The following GABRB1 variants were observed in gnomAD, a reference collection of about 807,000 sequenced individuals.
GABRB1 encodes the protein gamma-aminobutyric acid receptor subunit beta-1.
A neutral mutation model predicts 51.6 loss-of-function variants in GABRB1; 17 were observed. The observed-to-expected ratio is 0.33, with a 90% CI of 0.23 to 0.49. The LOEUF (loss-of-function observed/expected upper bound fraction) is 0.49, where lower values mean the gene tolerates loss of function less well. Ranked by LOEUF, GABRB1 falls within the 20% of genes least tolerant of loss-of-function variation. The pLI is 0.99. For synonymous variants in GABRB1, 247 were observed against 218.9 expected (o/e 1.13, Z -1.14); for missense variants, 410 against 600.6 (o/e 0.68, Z 3.32).
chr4:47,246,295 TATATAC>T (rs1467017764), intron 4 of GABRB1, among the ~76,000 whole-genome samples: 6 of 98,938 alleles, frequency 6.1e-5, no homozygotes, highest in African/African-American at 8.2e-5. Context: ...TATATATATA[TATATAC>T]ACACACACAC....
chr4:47,399,451 TTC>T (rs1347121166), intron 5 of GABRB1, among the ~76,000 whole-genome samples: 1 of 151,650 alleles, frequency 6.6e-6, no homozygotes, highest in African/African-American at 2.4e-5. Context: ...TGTTTTGATT[TTC>T]TGTGCCTCCT....
chr4:47,166,709 G>A (rs1375454478), intron 4 of GABRB1, among the ~76,000 whole-genome samples: 1 of 151,920 alleles, frequency 6.6e-6, no homozygotes, highest in Non-Finnish European at 1.5e-5. Context: ...ATTGTTCAAT[G>A]GTAATTATAC....
intron 3 of GABRB1, among the ~76,000 whole-genome samples, chr4:47,160,479 TTCAA>T (rs957519029): frequency 6.6e-6 from 1 of 152,156 alleles, no homozygotes; most frequent in Non-Finnish European, 1.5e-5. Flanking sequence ...GCAGTGTTCA[TTCAA>T]AAGAATTTGG....
At chr4:47,240,521 G>A (rs1403628416) in intron 4 of GABRB1, among the ~76,000 whole-genome samples, 1 of 152,174 alleles carries the variant, frequency 6.6e-6, no homozygotes, top group Non-Finnish European at 1.5e-5. Context: ...TACCAAGTGA[G>A]AGCTAGACAG....
At chr4:47,126,966 G>T (rs1395929119) in intron 3 of GABRB1, among the ~76,000 whole-genome samples, 1 of 151,822 alleles carries the variant, frequency 6.6e-6, no homozygotes, top group African/African-American at 2.4e-5. Flanking sequence ...TTCTACATAA[G>T]ATAGATGAGG....
chr4:47,350,118 G>A (rs1205423521), intron 5 of GABRB1, among the ~76,000 whole-genome samples: 1 of 145,682 alleles, frequency 6.9e-6, no homozygotes, highest in East Asian at 2.0e-4. Context: ...AAAATATATT[G>A]TATTTATTAC....
chr4:47,361,424 G>T (rs1254634956), intron 5 of GABRB1, among the ~76,000 whole-genome samples: 1 of 152,134 alleles, frequency 6.6e-6, no homozygotes. Context: ...CTGAAGCCAG[G>T]GTAGCTAAAG....
chr4:47,354,094 C>G (rs1578116824), intron 5 of GABRB1, among the ~76,000 whole-genome samples: 1 of 152,252 alleles, frequency 6.6e-6, no homozygotes, highest in African/African-American at 2.4e-5. Context: ...CTCTTTTAGC[C>G]TAGTCCCACC....
At chr4:47,072,111 A>G (rs1421367716) in intron 3 of GABRB1, among the ~76,000 whole-genome samples, 1 of 152,024 alleles carries the variant, frequency 6.6e-6, no homozygotes, top group Non-Finnish European at 1.5e-5. Flanking sequence ...GAAAAAGAAC[A>G]TATTTTCCTG....
chr4:47,157,696 A>G (rs1468781619), intron 3 of GABRB1, among the ~76,000 whole-genome samples: 1 of 152,106 alleles, frequency 6.6e-6, no homozygotes, highest in Non-Finnish European at 1.5e-5. Context: ...TAGATTGTAG[A>G]AAAAGGAGAA....
chr4:47,001,501 A>G (rs1724217183), intron 1 of GABRB1, among the ~76,000 whole-genome samples: 1 of 152,212 alleles, frequency 6.6e-6, no homozygotes. Flanking sequence ...GATTTTAATC[A>G]ATAGACTTTG....
At chr4:47,188,387 A>C (rs1719279142) in intron 4 of GABRB1, among the ~76,000 whole-genome samples, 1 of 151,954 alleles carries the variant, frequency 6.6e-6, no homozygotes, top group African/African-American at 2.4e-5. Flanking sequence ...ATTGATAACC[A>C]TTTTATTCAC....
At chr4:47,373,757 C>T (rs1727289134) in intron 5 of GABRB1, among the ~76,000 whole-genome samples, 1 of 152,132 alleles carries the variant, frequency 6.6e-6, no homozygotes, top group Non-Finnish European at 1.5e-5. Context: ...AAGGCCTGGG[C>T]TCTGACGTCA....
intron 3 of GABRB1, among the ~76,000 whole-genome samples, chr4:47,119,665 C>T (rs1396367268): frequency 6.6e-6 from 1 of 152,056 alleles, no homozygotes; most frequent in Non-Finnish European, 1.5e-5. Flanking sequence ...TGCACCACCA[C>T]ACCCAGCTAA....
At chr4:47,271,037 C>A (rs1722856259) in intron 4 of GABRB1, among the ~76,000 whole-genome samples, 1 of 152,026 alleles carries the variant, frequency 6.6e-6, no homozygotes, top group Non-Finnish European at 1.5e-5. Flanking sequence ...CTTTTAAAGG[C>A]AATCAAGTTG....
intron 5 of GABRB1, among the ~76,000 whole-genome samples, chr4:47,325,244 G>A (rs925107939): frequency 6.6e-6 from 1 of 152,160 alleles, no homozygotes; most frequent in Non-Finnish European, 1.5e-5. Context: ...AGACCAGCCT[G>A]GCCAACATGG....
chr4:47,420,775 C>T (rs1006717558), intron 8 of GABRB1, among the ~76,000 whole-genome samples: 1 of 152,114 alleles, frequency 6.6e-6, no homozygotes, highest in Non-Finnish European at 1.5e-5. Context: ...AAGGGAAAGC[C>T]ACTCTTCTCC....
intron 4 of GABRB1, among the ~76,000 whole-genome samples, chr4:47,206,133 A>C (rs1363069137): frequency 6.6e-6 from 1 of 151,948 alleles, no homozygotes; most frequent in Non-Finnish European, 1.5e-5. Flanking sequence ...CCATGATGGG[A>C]CTTTTTAATC....
At chr4:47,071,863 T>A (rs1175617689) in intron 3 of GABRB1, among the ~76,000 whole-genome samples, 1 of 152,136 alleles carries the variant, frequency 6.6e-6, no homozygotes, top group African/African-American at 2.4e-5. Flanking sequence ...ATATGTAACC[T>A]ATTTTTTAGC....
Sources: gnomAD v4.1 joint callset for allele counts (sites outside exome capture counted in the v4.1 genomes callset) on GRCh38, gnomAD v4.1.1 for gene constraint, MANE v1.5 for transcripts, NCBI Gene and HGNC (gene_info 2026-07-23, HGNC 2026-07-21) for gene names.